AFF3: variants seen among roughly 807,000 people sequenced by gnomAD.
The protein encoded by AFF3 is AF4/FMR2 family member 3.
In AFF3, 32 loss-of-function variants were observed where a neutral mutation model predicts 129.7. That is an observed-to-expected ratio of 0.25 (90% CI 0.19 to 0.33). AFF3 has a LOEUF of 0.33. AFF3 is among the 10% of genes least tolerant of loss of function. AFF3 has a pLI of 1.00. For synonymous variants in AFF3, 644 were observed against 635.4 expected (o/e 1.01, Z -0.20); for missense variants, 1,373 against 1,592.0 (o/e 0.86, Z 2.34).
intron 10 of AFF3, among the ~76,000 whole-genome samples, chr2:99,733,403 A>C (rs1350946663): frequency 7.4e-6 from 1 of 135,204 alleles, no homozygotes; most frequent in Non-Finnish European, 1.7e-5. Flanking sequence ...CCAAAACAAC[A>C]ACAACAACAA....
At chr2:100,105,361 T>C in intron 3 of AFF3, 143 bp downstream of exon 3, 1 of 1,250,068 alleles carries the variant, frequency 8.0e-7, no homozygotes, top group South Asian at 1.4e-5. Context: ...AGCCCGCAAG[T>C]TCAGCGAAAT....
At chr2:100,134,369 G>A (rs1692549319) in intron 1 of AFF3, among the ~76,000 whole-genome samples, 1 of 152,022 alleles carries the variant, frequency 6.6e-6, no homozygotes, top group South Asian at 2.1e-4. Context: ...CTGCTTATTA[G>A]GCATCTGTAT....
intron 24 of AFF3, among the ~76,000 whole-genome samples, chr2:99,552,515 G>A (rs1200698291): frequency 1.3e-5 from 2 of 152,200 alleles, no homozygotes; most frequent in African/African-American, 4.8e-5. Context: ...GGCTGATAGA[G>A]GAAAACACAT....
intron 11 of AFF3, among the ~76,000 whole-genome samples, chr2:99,715,913 C>A (rs1678341651): frequency 6.6e-6 from 1 of 152,148 alleles, no homozygotes; most frequent in African/African-American, 2.4e-5. Flanking sequence ...ACCTCGTGAT[C>A]CGCCTGCCTC....
At chr2:99,798,187 G>C (rs1303173581) in intron 8 of AFF3, among the ~76,000 whole-genome samples, 1 of 151,976 alleles carries the variant, frequency 6.6e-6, no homozygotes, top group Non-Finnish European at 1.5e-5. Flanking sequence ...AATATTACTT[G>C]ACAGTAAGCT....
At chr2:99,694,766 G>A (rs1038556213) in intron 11 of AFF3, among the ~76,000 whole-genome samples, 1 of 152,172 alleles carries the variant, frequency 6.6e-6, no homozygotes. Context: ...GAGTACAGCG[G>A]TACATTCTTG....
chr2:100,112,831 T>C (rs4851250), intron 2 of AFF3, among the ~76,000 whole-genome samples: 21,895 of 152,192 alleles, frequency 0.14, 1,904 homozygotes, highest in East Asian at 0.28. Flanking sequence ...CACCACTATC[T>C]ATAATGAGAG....
intron 8 of AFF3, among the ~76,000 whole-genome samples, chr2:99,817,471 T>C (rs868481748): frequency 7.9e-5 from 12 of 152,192 alleles, no homozygotes; most frequent in Admixed American, 2.6e-4. Context: ...TTTCTTTGGC[T>C]TTTTTTCCTG....
chr2:100,020,340 A>C (rs2104861260), intron 4 of AFF3, among the ~76,000 whole-genome samples: 1 of 151,950 alleles, frequency 6.6e-6, no homozygotes, highest in South Asian at 2.1e-4. Flanking sequence ...CTCTGTGCAA[A>C]ACCTGGTCTC....
At chr2:99,668,063 C>T (rs1419247557) in intron 12 of AFF3, among the ~76,000 whole-genome samples, 1 of 151,974 alleles carries the variant, frequency 6.6e-6, no homozygotes, top group Non-Finnish European at 1.5e-5. Context: ...GAGGCTGAGG[C>T]AGGCGAATGG....
At chr2:99,587,766 C>T (rs933283309) in intron 15 of AFF3, among the ~76,000 whole-genome samples, 2 of 152,104 alleles carry the variant, frequency 1.3e-5, no homozygotes, top group African/African-American at 4.8e-5. Context: ...AATCCCAGCA[C>T]TTTGGGAGGC....
At chr2:99,571,769 C>T (rs906335730) in intron 18 of AFF3, among the ~76,000 whole-genome samples, 3 of 152,172 alleles carry the variant, frequency 2.0e-5, no homozygotes, top group Non-Finnish European at 4.4e-5. Context: ...GCTGTACTTC[C>T]AGAGCAGATC....
chr2:100,105,780 C>G (rs1559129238), intron 2 of AFF3, 197 bp from the exon 3 acceptor site: 1 of 1,358,220 alleles, frequency 7.4e-7, no homozygotes, highest in East Asian at 3.8e-5. Flanking sequence ...CTCTCCTGAC[C>G]TCTTGGCCAC....
chr2:100,057,613 C>T lies in AFF3; in HGVS notation c.53+46789G>A, dbSNP rs529127704. On this transcript the variant is annotated intron_variant, in intron 4 of 24. Transcript: ENST00000672756. Reference sequence around the variant, plus strand: ...TGGTATCTGTGACTCTCTATTGGTGCAGTTTGTCCTTCCTTTTCAGAATGT... The same window carrying T: ...TGGTATCTGTGACTCTCTATTGGTGTAGTTTGTCCTTCCTTTTCAGAATGT... Among the ~76,000 whole-genome samples, 145 of 152,292 alleles carry T rather than the reference C, an allele frequency of 9.5e-4. 1 individual carries two copies. The highest frequency in any genetic ancestry group is 3.2e-3 in the African/African-American group (134 of 41,564).
At chr2:100,124,221 G>A (rs1692095614) in intron 2 of AFF3, among the ~76,000 whole-genome samples, 1 of 152,112 alleles carries the variant, frequency 6.6e-6, no homozygotes, top group Non-Finnish European at 1.5e-5. Flanking sequence ...TACAAGGCTG[G>A]AGTTGAAAAA....
rs574723689 is a variant in AFF3, at chr2:99,793,497, G to C, written c.922-41196C>G. 7.2e-5 allele frequency among the ~76,000 whole-genome samples: 11 copies of C among 152,296 alleles called. No homozygotes were observed. In the South Asian group the frequency reaches 2.3e-3, roughly 32 times the overall value. ...TACACAGATTCTATTTTTTGGGGTA[G>C]ATTTGGTCATTTTTATCTTTAAATA... On this transcript the variant is annotated intron_variant, in intron 8 of 24. Transcript: ENST00000672756.
At chr2:100,034,288 A>G (rs1684741056) in intron 4 of AFF3, among the ~76,000 whole-genome samples, 1 of 152,232 alleles carries the variant, frequency 6.6e-6, no homozygotes, top group African/African-American at 2.4e-5. Flanking sequence ...ACACTGAATC[A>G]TATAGGATGA....
At chr2:99,969,917 C>A (rs1678184918) in intron 7 of AFF3, among the ~76,000 whole-genome samples, 1 of 152,132 alleles carries the variant, frequency 6.6e-6, no homozygotes, top group Non-Finnish European at 1.5e-5. Flanking sequence ...AAATTTTACA[C>A]AGAATTATCA....
chr2:100,121,565 C>T (rs1377962454), intron 2 of AFF3, among the ~76,000 whole-genome samples: 1 of 152,174 alleles, frequency 6.6e-6, no homozygotes, highest in Non-Finnish European at 1.5e-5. Flanking sequence ...TTGATTTTGA[C>T]AGTGTCTGAG....
Sources: allele counts gnomAD v4.1 joint callset (sites outside exome capture counted in the v4.1 genomes callset), GRCh38; gene constraint gnomAD v4.1.1; transcripts MANE v1.5; gene names NCBI Gene and HGNC (gene_info 2026-07-23, HGNC 2026-07-21).